Variants in KLK15 observed in about 807,000 individuals in gnomAD.
KLK15 encodes the protein kallikrein related peptidase 15, also known as kallikrein-15.
In KLK15, 19 loss-of-function variants were observed where a neutral mutation model predicts 21.1. That is an observed-to-expected ratio of 0.90 (90% CI 0.63 to 1.32). The LOEUF (loss-of-function observed/expected upper bound fraction) is 1.32, where lower values mean the gene tolerates loss of function less well. KLK15 is among the 40% of genes most tolerant of loss of function. The probability of loss-of-function intolerance (pLI) is 0.00; values close to 1 mark genes in which losing one functional copy is unlikely to be tolerated. For missense variants in KLK15, 345 were observed against 348.6 expected (o/e 0.99, Z 0.08); for synonymous variants, 141 against 141.5 (o/e 1.00, Z 0.03).
intron 4 of KLK15, 164 bp from the exon 6 acceptor site, chr19:50,826,112 C>T (rs943236095): frequency 1.6e-6 from 1 of 606,390 alleles, no homozygotes. Context: ...CAGAGCCAAC[C>T]CAACCCCAAC....
At position 50,825,864 on chromosome 19, in the gene KLK15, TG is replaced by T; in HGVS notation, c.702del (p.Lys235SerfsTer19). The T allele has an allele frequency of 6.2e-7, 1 of 1,613,934 alleles. No individual in the cohort carries two copies. Among genetic ancestry groups the T allele is most frequent in the Non-Finnish European group, 8.5e-7 (1 of 1,179,842 alleles). ...CAGACTTTGGTATAGACACCAGGCT[TG>T]GTGGTGTTGTCACAAGGGACGTCAC... On this transcript the variant is annotated frameshift_variant, in exon 5 of 5. Coordinates refer to ENST00000598239, the Ensembl canonical transcript of KLK15. LOFTEE classifies it low-confidence loss of function (END_TRUNC).
intron 1 of KLK15, chr19:50,830,972 AG>A: frequency 6.5e-6 from 1 of 153,590 alleles, no homozygotes; most frequent in Non-Finnish European, 1.4e-5. Context: ...TGTAAGAGAC[AG>A]GGAGTGGCAG....
rs1164616516 is a variant in KLK15 at position 50,827,575 on chromosome 19, T to C, written c.197+87A>G. On this transcript the variant is annotated intron_variant, in intron 2 of 4. Transcript: ENST00000598239. ...CTCGTCTTTCAGAACCCAGGAGTTC[T>C]GGCGTCTGCCTCCGTCTTCCCCCAA... 5 of 1,401,348 alleles carry C rather than the reference T, an allele frequency of 3.6e-6. No homozygotes were observed. In the South Asian group the frequency reaches 5.1e-5, roughly 14 times the overall value. 86.8% of individuals were successfully genotyped at this position (1,401,348 alleles called of 1,614,324 possible).
chr19:50,825,685 CT>C, downstream of KLK15: 3 of 1,130,070 alleles, frequency 2.7e-6, no homozygotes, highest in South Asian at 5.5e-5. Flanking sequence ...ACATCTGGGC[CT>C]TGGACAGGGT....
chr19:50,829,510 G>T (rs1474402931), intron 1 of KLK15, among the ~76,000 whole-genome samples: 1 of 151,796 alleles, frequency 6.6e-6, no homozygotes, highest in Non-Finnish European at 1.5e-5. Context: ...GTCAAGGTTG[G>T]CCAGGTGTGG....
At chr19:50,831,681 C>G (rs1455806098), upstream of KLK15, among the ~76,000 whole-genome samples, 1 of 152,142 alleles carries the variant, frequency 6.6e-6, no homozygotes, top group Non-Finnish European at 1.5e-5. Context: ...TCTGGGTCCC[C>G]CATCTCTGGA....
intron 4 of KLK15, 64 bp from the exon 6 acceptor site, chr19:50,826,012 A>C: frequency 1.3e-6 from 2 of 1,499,412 alleles, no homozygotes; most frequent in East Asian, 2.3e-5. Context: ...CATCCTAATC[A>C]CCATTTGCAA....
At chr19:50,827,876 C>G in intron 1 of KLK15, 61 bp from the exon 3 acceptor site, 1 of 1,511,716 alleles carries the variant, frequency 6.6e-7, no homozygotes, top group Admixed American at 1.7e-5. Flanking sequence ...CCTACACCTT[C>G]CTTGCACCCT....
At chr19:50,825,971 C>G in intron 4 of KLK15, 23 bp from the exon 6 acceptor site, 1 of 1,603,182 alleles carries the variant, frequency 6.2e-7, no homozygotes, top group African/African-American at 1.3e-5. Flanking sequence ...GAGGGGGTCT[C>G]AGGTTGAGTG....
chr19:50,827,156 A>C (rs768664497), exon 3 of KLK15: 3 of 1,582,484 alleles, frequency 1.9e-6, no homozygotes, highest in South Asian at 2.3e-5. Flanking sequence ...GCGCACTCTC[A>C]TGAAGCTGTG....
At chr19:50,827,966 T>G (rs1354002996) in intron 1 of KLK15, 151 bp from the exon 3 acceptor site, 5 of 746,396 alleles carry the variant, frequency 6.7e-6, no homozygotes, top group Non-Finnish European at 1.1e-5. Context: ...GTTGTTGTTG[T>G]TTTTGAGACG....
exon 2 of KLK15, chr19:50,827,802 A>G (rs768016355): frequency 6.2e-7 from 1 of 1,611,380 alleles, no homozygotes. Flanking sequence ...GCAACTTGTC[A>G]CCATCCTGGG....
exon 3 of KLK15, chr19:50,826,960 G>A: frequency 6.2e-7 from 1 of 1,605,698 alleles, no homozygotes; most frequent in South Asian, 1.1e-5. Context: ...CCTCCCCCGG[G>A]TGGGGGCAAC....
Position 50,830,044 on chromosome 19 carries a change from C to T in KLK15, c.43+1406G>A, listed in dbSNP as rs978228439. ...ACATATTTATCCATCTCTAGATCAG[C>T]CCCCAAGCCAGATCTGTGGAGTCAC... On this transcript the variant is annotated intron_variant, in intron 1 of 4. Coordinates refer to ENST00000598239, the Ensembl canonical transcript of KLK15. 2.6e-5 allele frequency among the ~76,000 whole-genome samples: 4 copies of T among 151,426 alleles called. 1 individual carries two copies. The highest frequency in any genetic ancestry group is 4.8e-5 in the African/African-American group (2 of 41,312).
chr19:50,826,865 T>A lies in KLK15; in HGVS notation c.481+13A>T. On this transcript the variant is annotated intron_variant, in intron 3 of 4. Coordinates refer to ENST00000598239, the Ensembl canonical transcript of KLK15. ...CCTTGAGGCCTCGCATCCAGCTCCA[T>A]CCTTTCACGCACCTTGTGACCGGGG... 6.4e-7 allele frequency: 1 copy of A among 1,557,156 alleles called. No individual in the cohort carries two copies. The highest frequency in any genetic ancestry group is 8.7e-7 in the Non-Finnish European group (1 of 1,150,932).
At chr19:50,827,901 A>C in intron 1 of KLK15, 86 bp from the exon 3 acceptor site, 3 of 1,244,912 alleles carry the variant, frequency 2.4e-6, no homozygotes, top group Non-Finnish European at 2.3e-6. Flanking sequence ...TAACTACTAT[A>C]TGCCTATGCC....
Position 50,828,438 on chromosome 19 carries a change from G to C in KLK15, c.44-623C>G, listed in dbSNP as rs546449551. ...TGGTCACTTGAAACCAGTCATTCAC[G>C]GTCACCAAATTGTCACAGACGTCAA... On this transcript the variant is annotated intron_variant, in intron 1 of 4. Transcript: ENST00000598239. 2.0e-5 allele frequency among the ~76,000 whole-genome samples: 3 copies of C among 151,742 alleles called. No individual in the cohort carries two copies. The South Asian group carries it at 6.3e-4, about 32-fold the overall frequency.
chr19:50,830,826 G>A (rs2089972710), intron 1 of KLK15, among the ~76,000 whole-genome samples: 2 of 152,174 alleles, frequency 1.3e-5, no homozygotes, highest in South Asian at 2.1e-4. Flanking sequence ...AATGAGGTCG[G>A]TGGTGCCCAC....
chr19:50,833,386 T>G (rs1322076749), upstream of KLK15, among the ~76,000 whole-genome samples: 1 of 152,174 alleles, frequency 6.6e-6, no homozygotes, highest in Non-Finnish European at 1.5e-5. Flanking sequence ...AGGTTCAATT[T>G]GGGGCATTGG....
Sources: allele counts gnomAD v4.1 joint callset (sites outside exome capture counted in the v4.1 genomes callset), GRCh38; gene constraint gnomAD v4.1.1; transcripts MANE v1.5; gene names NCBI Gene and HGNC (gene_info 2026-07-23, HGNC 2026-07-21).